The following ZBTB46 variants were observed in gnomAD, a reference collection of about 807,000 sequenced individuals.
ZBTB46 encodes zinc finger and BTB domain containing 46.
ZBTB46 carries 8 observed loss-of-function variants against 44.1 expected under a neutral mutation model. That is an observed-to-expected ratio of 0.18 (90% confidence interval 0.11 to 0.33). ZBTB46 has a LOEUF of 0.33. Ranked by LOEUF, ZBTB46 falls within the 10% of genes least tolerant of loss-of-function variation. The pLI is 1.00. For missense variants in ZBTB46, 651 were observed against 847.7 expected (o/e 0.77, Z 2.88); for synonymous variants, 409 against 382.3 (o/e 1.07, Z -0.81).
chr20:63,789,223 T>C (rs2092540031), intron 2 of ZBTB46, among the ~76,000 whole-genome samples: 1 of 152,126 alleles, frequency 6.6e-6, no homozygotes, highest in African/African-American at 2.4e-5. Flanking sequence ...AAAATCCACT[T>C]GCCGGGAAAG....
intron 1 of ZBTB46, 149 bp downstream of exon 1, chr20:63,830,947 GC>G (rs1167553296): frequency 1.4e-5 from 2 of 142,004 alleles, no homozygotes; most frequent in Admixed American, 1.4e-4. Context: ...CCGGGAGGGC[GC>G]CCCCGCGGGG....
At chr20:63,758,843 T>G (rs960507310) in intron 3 of ZBTB46, among the ~76,000 whole-genome samples, 1 of 151,994 alleles carries the variant, frequency 6.6e-6, no homozygotes, top group South Asian at 2.1e-4. Context: ...GCCATTCTCC[T>G]GCCTCAGCCT....
intron 2 of ZBTB46, among the ~76,000 whole-genome samples, chr20:63,784,865 C>T (rs898154772): frequency 1.8e-4 from 27 of 152,280 alleles, no homozygotes; most frequent in Non-Finnish European, 2.2e-4. Context: ...CACCAGGGGC[C>T]GGGATGATGC....
chr20:63,770,847 G>T (rs1352856438), intron 3 of ZBTB46, among the ~76,000 whole-genome samples: 6 of 152,216 alleles, frequency 3.9e-5, no homozygotes, highest in Non-Finnish European at 8.8e-5. Context: ...CAGCCCACGG[G>T]GAGGTACACT....
At position 63,803,544 on chromosome 20, in the gene ZBTB46, T is replaced by TGCCGGCCCCGGGCTGC. The variant is rs1488399737; in HGVS notation, c.-33-12770_-33-12755dup. 2.0e-6 allele frequency: 2 copies of TGCCGGCCCCGGGCTGC among 980,994 alleles called. No homozygotes were observed. Among genetic ancestry groups the TGCCGGCCCCGGGCTGC allele is most frequent in the Non-Finnish European group, 2.4e-6 (2 of 828,412 alleles). The allele number at this position is 980,994 out of a possible 1,614,324, so 60.8% of individuals were successfully genotyped here. A position where few individuals can be genotyped will look rare whatever the true frequency, so the allele number is the denominator to read the frequency against. ...CCATCTGAAGATGCAAAGCCATGTCTGCCGGCCCCGGGCTGCCCAGGCCCC... is the reference window on the plus strand; with the variant it reads ...CCATCTGAAGATGCAAAGCCATGTCTGCCGGCCCCGGGCTGCGCCGGCCCCGGGCTGCCCAGGCCCC... On this transcript the variant is annotated intron_variant, in intron 1 of 4. Transcript: ENST00000245663. The surrounding 1 kb of genome is among the most constrained non-coding windows in gnomAD (Gnocchi z 4.0).
chr20:63,767,636 C>T lies in ZBTB46; in HGVS notation c.1222+8042G>A, dbSNP rs575134389. ...AGGTCAAAGCAAACGCCGGCTCCAG[C>T]GCACAGACCAGAGGCACCCGCAGTT... On this transcript the variant is annotated intron_variant, in intron 3 of 4. Transcript: ENST00000245663. The surrounding 1 kb of genome is among the most constrained non-coding windows in gnomAD (Gnocchi z 5.0). Among the ~76,000 whole-genome samples, 1 of 152,342 alleles carries T rather than the reference C, an allele frequency of 6.6e-6. No individual in the cohort carries two copies. The highest frequency in any genetic ancestry group is 2.1e-4 in the South Asian group (1 of 4,830).
chr20:63,757,762 C>T (rs534938958), intron 3 of ZBTB46, among the ~76,000 whole-genome samples: 61 of 152,226 alleles, frequency 4.0e-4, no homozygotes, highest in Non-Finnish European at 8.1e-4. Flanking sequence ...AGATAGCAGT[C>T]GGAATCACCT....
At chr20:63,756,768 C>T (rs893072060) in intron 3 of ZBTB46, among the ~76,000 whole-genome samples, 12 of 152,228 alleles carry the variant, frequency 7.9e-5, no homozygotes, top group African/African-American at 2.2e-4. Flanking sequence ...GCTTCGTATA[C>T]GTGGGATCCT....
At chr20:63,769,809 C>A (rs569777611) in intron 3 of ZBTB46, among the ~76,000 whole-genome samples, 4 of 152,328 alleles carry the variant, frequency 2.6e-5, no homozygotes, top group African/African-American at 9.6e-5. Flanking sequence ...AGTTAAAGTT[C>A]TCGATTCATC....
chr20:63,799,754 T>C (rs892831949), intron 1 of ZBTB46, among the ~76,000 whole-genome samples: 1 of 152,044 alleles, frequency 6.6e-6, no homozygotes, highest in Admixed American at 6.6e-5. Flanking sequence ...GTCGGGGAAG[T>C]GCGCCCGGAA....
At chr20:63,785,254 A>G (rs2092505316) in intron 2 of ZBTB46, among the ~76,000 whole-genome samples, 1 of 143,622 alleles carries the variant, frequency 7.0e-6, no homozygotes, top group African/African-American at 2.6e-5. Context: ...AGAAAAGAAA[A>G]AGAAAGAAGG....
In ZBTB46 at chr20:63,782,673, GC is replaced by G. The variant is rs1201618113; in HGVS notation, c.938-6712del. ...CAACCACAGAACAGGCTGCAGCCAC[GC>G]CCCATGCCCCACGACCCACGCCCCA... On this transcript the variant is annotated intron_variant, in intron 2 of 4. Coordinates refer to ENST00000245663, the MANE Select transcript of ZBTB46 (RefSeq NM_001369741.1). Among the ~76,000 whole-genome samples, 7 of 152,144 alleles carry G rather than the reference GC, an allele frequency of 4.6e-5. No homozygotes were observed. The East Asian group carries it at 1.3e-3, about 29-fold the overall frequency.
chr20:63,774,212 G>C (rs1256894495), intron 3 of ZBTB46, among the ~76,000 whole-genome samples: 1 of 151,988 alleles, frequency 6.6e-6, no homozygotes, highest in African/African-American at 2.4e-5. Context: ...TCCTCACTGA[G>C]TACACGGAAT....
chr20:63,823,744 G>A (rs1029817532), intron 1 of ZBTB46, among the ~76,000 whole-genome samples: 5 of 151,930 alleles, frequency 3.3e-5, no homozygotes, highest in African/African-American at 1.2e-4. Context: ...CAATATCCAC[G>A]TCACACTGCA....
chr20:63,755,307 T>C (rs1204071412), intron 3 of ZBTB46, among the ~76,000 whole-genome samples: 1 of 152,210 alleles, frequency 6.6e-6, no homozygotes, highest in Non-Finnish European at 1.5e-5. Context: ...AGGCCAAAGG[T>C]CAGAGATCAA....
intron 3 of ZBTB46, among the ~76,000 whole-genome samples, chr20:63,757,532 G>A (rs940846707): frequency 6.6e-6 from 1 of 152,124 alleles, no homozygotes; most frequent in African/African-American, 2.4e-5. Flanking sequence ...TGCCTCACGG[G>A]CCCTGGCGGC....
At chr20:63,823,630 C>G (rs118090769) in intron 1 of ZBTB46, among the ~76,000 whole-genome samples, 3 of 151,418 alleles carry the variant, frequency 2.0e-5, no homozygotes, top group Non-Finnish European at 4.4e-5. Context: ...TAGCCCAGGT[C>G]GAGGCCGCAG....
At chr20:63,754,850 C>G (rs6089972) in intron 3 of ZBTB46, among the ~76,000 whole-genome samples, 75 of 151,990 alleles carry the variant, frequency 4.9e-4, no homozygotes, top group African/African-American at 1.7e-3. Context: ...CCGCCCGCCT[C>G]GGCCTCTCAA....
At chr20:63,747,721 C>T (rs932255165) in intron 4 of ZBTB46, among the ~76,000 whole-genome samples, 19 of 152,100 alleles carry the variant, frequency 1.2e-4, no homozygotes, top group African/African-American at 4.6e-4. Flanking sequence ...CCAAGGCAGC[C>T]CTGTCCCAAG....
Sources: allele counts gnomAD v4.1 joint callset (sites outside exome capture counted in the v4.1 genomes callset), GRCh38; gene constraint gnomAD v4.1.1; non-coding constraint Gnocchi (gnomAD v3.1); transcripts MANE v1.5; gene names NCBI Gene and HGNC (gene_info 2026-07-23, HGNC 2026-07-21).